The following FRAS1 variants were observed in gnomAD, a reference collection of about 807,000 sequenced individuals.
The protein encoded by FRAS1 is Fraser extracellular matrix complex subunit 1.
A neutral mutation model predicts 435.2 loss-of-function variants in FRAS1; 290 were observed. The observed-to-expected ratio is 0.67, with a 90% confidence interval of 0.61 to 0.73. The LOEUF (loss-of-function observed/expected upper bound fraction) is 0.73, where lower values mean the gene tolerates loss of function less well. Ranked by LOEUF, FRAS1 falls within the 30% of genes least tolerant of loss-of-function variation. The probability of loss-of-function intolerance (pLI) is 0.00; values close to 1 mark genes in which losing one functional copy is unlikely to be tolerated. For synonymous variants in FRAS1, 1,800 were observed against 1,851.0 expected (o/e 0.97, Z 0.71); for missense variants, 4,860 against 5,001.5 (o/e 0.97, Z 0.85).
chr4:78,077,929 A>T (rs571843771), intron 2 of FRAS1, among the ~76,000 whole-genome samples: 1 of 151,886 alleles, frequency 6.6e-6, no homozygotes, highest in African/African-American at 2.4e-5. Flanking sequence ...CAGCAAATAT[A>T]AAAGAGAGAA....
intron 59 of FRAS1, among the ~76,000 whole-genome samples, chr4:78,495,635 A>G (rs1373894416): frequency 1.3e-5 from 2 of 152,170 alleles, no homozygotes; most frequent in African/African-American, 4.8e-5. Flanking sequence ...AGTTCAAAAG[A>G]GAATTCTCTG....
At chr4:78,227,331 A>G (rs1724316716) in intron 2 of FRAS1, among the ~76,000 whole-genome samples, 1 of 152,220 alleles carries the variant, frequency 6.6e-6, no homozygotes, top group African/African-American at 2.4e-5. Context: ...TATGACATCT[A>G]GAATTTAGGA....
intron 2 of FRAS1, among the ~76,000 whole-genome samples, chr4:78,149,868 G>A (rs889228804): frequency 6.6e-6 from 1 of 152,256 alleles, no homozygotes; most frequent in South Asian, 2.1e-4. Context: ...TCATCTGCAC[G>A]ATCTGCACCT....
At position 78,284,452 on chromosome 4, in the gene FRAS1, T is replaced by C. The variant is rs372640060; in HGVS notation, c.1303T>C (p.Cys435Arg). ...CLTCSQSPDH[C>R]DLCQDPTKLL... ...GACATGCTCTCAGTCTCCAGACCAC[T>C]GTGACCTCTGCCAAGATCCTACCAA... is the stretch of plus-strand genomic sequence containing the variant. Residue 435 changes from cysteine (C) to arginine (R), a missense_variant, in exon 13 of 74, where the codon TGT becomes CGT. Transcript: ENST00000512123. 2 of 1,613,944 alleles carry C rather than the reference T, an allele frequency of 1.2e-6. No homozygotes were observed. Among genetic ancestry groups the C allele is most frequent in the Non-Finnish European group, 1.7e-6 (2 of 1,179,858 alleles).
chr4:78,279,948 C>T lies in FRAS1; in HGVS notation c.1071+1204C>T, dbSNP rs144871736. Among the ~76,000 whole-genome samples the T allele has an allele frequency of 2.2e-3, 342 of 152,202 alleles. 2 individuals are homozygous for T. Among genetic ancestry groups the T allele is most frequent in the African/African-American group, 8.0e-3 (331 of 41,528 alleles). On this transcript the variant is annotated intron_variant, in intron 10 of 73. Transcript: ENST00000512123. ...ACAAATTTCTGTTCATGTTTTCCAC[C>T]GACACAGTTAATGCCTTTTCCATCT...
At chr4:78,123,487 T>G (rs1719150226) in intron 2 of FRAS1, among the ~76,000 whole-genome samples, 1 of 152,082 alleles carries the variant, frequency 6.6e-6, no homozygotes, top group African/African-American at 2.4e-5. Context: ...TATGAAGTTT[T>G]AAGTAGTTTT....
At chr4:78,158,243 C>G (rs572789708) in intron 2 of FRAS1, among the ~76,000 whole-genome samples, 9 of 152,260 alleles carry the variant, frequency 5.9e-5, no homozygotes, top group African/African-American at 2.2e-4. Context: ...ATAGAAATAG[C>G]ATTCAATCTG....
At position 78,387,605 on chromosome 4, in the gene FRAS1, T is replaced by C. The variant is rs1407874703; in HGVS notation, c.3879T>C (p.His1293=). 2 of 1,613,510 alleles carry C rather than the reference T, an allele frequency of 1.2e-6. No homozygotes were observed. The highest frequency in any genetic ancestry group is 2.2e-5 in the East Asian group (1 of 44,880). Residue 1293 remains histidine, a synonymous_variant, in exon 29 of 74, where the codon CAT becomes CAC. Transcript: ENST00000512123. ...CTAGAGGCCTTCTCCACTATGCTCA[T>C]GATGGTTCAGACAGCACATCCGATG... ...ELSRGLLHYA[H]DGSDSTSDVA...
intron 14 of FRAS1, among the ~76,000 whole-genome samples, chr4:78,290,174 A>C (rs1191067155): frequency 2.0e-5 from 3 of 152,220 alleles, no homozygotes; most frequent in Non-Finnish European, 4.4e-5. Flanking sequence ...ATTTTAACGT[A>C]AGGTTAAAAT....
rs574044884 is a variant in FRAS1 at position 78,461,725 on chromosome 4, A to G, written c.6764-2296A>G. On this transcript the variant is annotated intron_variant, in intron 47 of 73. Coordinates refer to ENST00000512123, the MANE Select transcript of FRAS1 (RefSeq NM_025074.7). ...AAAATTAAGCATACACCTAACATATATTCCAGGTATTTCGCTCCTAGAGAT... is the reference window on the plus strand; with the variant it reads ...AAAATTAAGCATACACCTAACATATGTTCCAGGTATTTCGCTCCTAGAGAT... 2.0e-5 allele frequency among the ~76,000 whole-genome samples: 3 copies of G among 152,334 alleles called. No individual in the cohort carries two copies. The South Asian group carries it at 6.2e-4, about 32-fold the overall frequency.
At chr4:78,296,905 T>C (rs1728169619) in intron 14 of FRAS1, among the ~76,000 whole-genome samples, 1 of 152,224 alleles carries the variant, frequency 6.6e-6, no homozygotes, top group Admixed American at 6.5e-5. Context: ...CATCTCTCCA[T>C]GTCCTCGTGA....
At chr4:78,502,403 G>T (rs550532126) in intron 61 of FRAS1, among the ~76,000 whole-genome samples, 3 of 152,192 alleles carry the variant, frequency 2.0e-5, no homozygotes, top group South Asian at 2.1e-4. Context: ...ATTAAACAGG[G>T]GTTTGTAGTT....
rs920128807 is a variant in FRAS1 at position 78,415,263 on chromosome 4, G to A, written c.4425+2178G>A. 3.3e-5 allele frequency among the ~76,000 whole-genome samples: 5 copies of A among 152,208 alleles called. No homozygotes were observed. The South Asian group carries it at 6.2e-4, about 19-fold the overall frequency. The stretch of plus-strand genomic sequence containing the variant: ...GATAAAAGACTACAAATTGAGTTCA[G>A]TGCATACTGCTTTGGTGATGGGTGC... On this transcript the variant is annotated intron_variant, in intron 32 of 73. Transcript: ENST00000512123.
intron 14 of FRAS1, among the ~76,000 whole-genome samples, chr4:78,289,533 G>A (rs941958050): frequency 3.3e-5 from 5 of 152,076 alleles, no homozygotes; most frequent in African/African-American, 1.2e-4. Flanking sequence ...ACAGCAGGTA[G>A]GGCCATAGAG....
intron 29 of FRAS1, among the ~76,000 whole-genome samples, chr4:78,399,117 C>T (rs1200125003): frequency 2.0e-5 from 3 of 152,066 alleles, no homozygotes; most frequent in African/African-American, 7.2e-5. Flanking sequence ...AAATAATATG[C>T]TATGTCAATT....
intron 22 of FRAS1, among the ~76,000 whole-genome samples, chr4:78,364,781 A>T (rs1560682030): frequency 6.6e-6 from 1 of 152,224 alleles, no homozygotes; most frequent in East Asian, 1.9e-4. Context: ...AAAAACAAAA[A>T]ATTGTTATAC....
chr4:78,368,845 A>G (rs1000368651), intron 22 of FRAS1, among the ~76,000 whole-genome samples: 5 of 152,234 alleles, frequency 3.3e-5, no homozygotes, highest in South Asian at 4.1e-4. Flanking sequence ...TAGGATTTCC[A>G]GGTGGAGAGA....
intron 47 of FRAS1, 116 bp from the exon 48 acceptor site, chr4:78,463,905 T>C: frequency 2.6e-6 from 3 of 1,142,906 alleles, no homozygotes; most frequent in Non-Finnish European, 2.6e-6. Context: ...AAATAAATGC[T>C]ATAAGAAAAA....
intron 27 of FRAS1, 36 bp from the exon 28 acceptor site, chr4:78,384,023 T>G (rs7677133): frequency 0.26 from 372,186 of 1,432,694 alleles, 50,283 homozygotes; most frequent in Admixed American, 0.34. Context: ...ATGTAATGAT[T>G]GTATTTTCTT....
Sources: gnomAD v4.1 joint callset for allele counts (sites outside exome capture counted in the v4.1 genomes callset) on GRCh38, gnomAD v4.1.1 for gene constraint, MANE v1.5 for transcripts, NCBI Gene and HGNC (gene_info 2026-07-23, HGNC 2026-07-21) for gene names.